Variants in CDKL3 observed in about 807,000 individuals in gnomAD.
The protein encoded by CDKL3 is cyclin dependent kinase like 3.
In CDKL3, 65 loss-of-function variants were observed where a neutral mutation model predicts 69.3. The ratio of observed to expected loss-of-function variants is 0.94; its 90% confidence interval spans 0.77 to 1.15. The LOEUF (loss-of-function observed/expected upper bound fraction) is 1.15, where lower values mean the gene tolerates loss of function less well. Ranked by LOEUF, CDKL3 falls within the 50% of genes most tolerant of loss-of-function variation. CDKL3 has a pLI of 0.00. For synonymous variants in CDKL3, 202 were observed against 221.6 expected (o/e 0.91, Z 0.79); for missense variants, 652 against 689.2 (o/e 0.95, Z 0.61).
Position 134,304,573 on chromosome 5 carries a change from C to T in CDKL3, c.1459-6G>A, listed in dbSNP as rs1356147422. ...ATACCCTTCTCCATTTGGCTCTAAA[C>T]AAACAAACAAGAGTTAGTTGAAGAA... On this transcript the variant is annotated splice_region_variant and splice_polypyrimidine_tract_variant and intron_variant, in intron 10 of 12. Transcript: ENST00000265334. 6.3e-7 allele frequency: 1 copy of T among 1,586,082 alleles called. No individual in the cohort carries two copies. The highest frequency in any genetic ancestry group is 8.6e-7 in the Non-Finnish European group (1 of 1,168,560).
intron 6 of CDKL3, among the ~76,000 whole-genome samples, chr5:134,316,704 T>G (rs1771191844): frequency 6.6e-6 from 1 of 152,152 alleles, no homozygotes; most frequent in South Asian, 2.1e-4. Flanking sequence ...ACTAATTGTA[T>G]AGTCATACAA....
intron 4 of CDKL3, among the ~76,000 whole-genome samples, chr5:134,343,181 G>A (rs1561603397): frequency 6.6e-6 from 1 of 151,528 alleles, no homozygotes; most frequent in African/African-American, 2.4e-5. Context: ...CTCCAGCCTG[G>A]GCAACAGAGT....
upstream of CDKL3, among the ~76,000 whole-genome samples, chr5:134,370,527 G>A (rs576228543): frequency 6.6e-6 from 1 of 152,250 alleles, no homozygotes; most frequent in South Asian, 2.1e-4. Context: ...TTGGAAGACT[G>A]CACCCCCACA....
intron 11 of CDKL3, among the ~76,000 whole-genome samples, chr5:134,303,885 C>T (rs1375710137): frequency 6.6e-6 from 1 of 151,634 alleles, no homozygotes; most frequent in Non-Finnish European, 1.5e-5. Context: ...TAATAATTTA[C>T]CTTTTAAAGC....
chr5:134,371,478 G>T, upstream of CDKL3: 1 of 1,254,388 alleles, frequency 8.0e-7, no homozygotes, highest in Non-Finnish European at 1.1e-6. Context: ...CAGTCTCGGC[G>T]GCGGCGGCGG....
chr5:134,314,390 G>GT (rs1403609114), intron 6 of CDKL3, among the ~76,000 whole-genome samples: 3 of 152,094 alleles, frequency 2.0e-5, no homozygotes, highest in African/African-American at 7.2e-5. Context: ...CAGATTGGCA[G>GT]TTTCTTTAAA....
downstream of CDKL3, among the ~76,000 whole-genome samples, chr5:134,285,190 C>A (rs1764808693): frequency 6.6e-6 from 1 of 152,208 alleles, no homozygotes; most frequent in African/African-American, 2.4e-5. Flanking sequence ...CTTCTCACAG[C>A]TCCACTAGGT....
At chr5:134,311,209 C>A (rs968402547) in intron 7 of CDKL3, among the ~76,000 whole-genome samples, 1 of 152,088 alleles carries the variant, frequency 6.6e-6, no homozygotes, top group African/African-American at 2.4e-5. Flanking sequence ...TAGGATACAA[C>A]AACAGGCACT....
chr5:134,367,474 A>T, upstream of CDKL3: 1 of 880,940 alleles, frequency 1.1e-6, no homozygotes, highest in Non-Finnish European at 1.4e-6. Flanking sequence ...TCCAGGTTTA[A>T]GTGATTTTCC....
chr5:134,288,854 G>A (rs1385177863), intron 8 of CDKL3, among the ~76,000 whole-genome samples: 1 of 152,076 alleles, frequency 6.6e-6, no homozygotes, highest in Non-Finnish European at 1.5e-5. Context: ...GGTGATAAAA[G>A]CATCTGCCTT....
intron 6 of CDKL3, chr5:134,319,087 G>A (rs1411949486): frequency 1.3e-5 from 3 of 227,556 alleles, no homozygotes; most frequent in South Asian, 1.3e-4. Flanking sequence ...TTGGGAGGCC[G>A]AGGTGGGCGG....
In CDKL3 at chr5:134,298,706, C is replaced by G. The variant is rs111498005; in HGVS notation, c.1724G>C (p.Gly575Ala). 1.1e-5 allele frequency: 17 copies of G among 1,612,232 alleles called. No individual in the cohort carries two copies. The highest frequency in any genetic ancestry group is 9.3e-5 in the African/African-American group (7 of 74,964). ...VDQNQEKQEG[G>A]DGHCEGKNLK... Reference sequence around the variant, plus strand: ...ATTCTTCCCCTCGCAATGGCCATCTCCACCCTAAAATTAGAAACCAAGCTA... The same window carrying G: ...ATTCTTCCCCTCGCAATGGCCATCTGCACCCTAAAATTAGAAACCAAGCTA... Residue 575 changes from glycine to alanine, a missense_variant, in exon 13 of 13, where the codon GGA (glycine) becomes GCA (alanine). By Grantham distance (60) the Gly-to-Ala change is moderately conservative. Transcript: ENST00000265334.
upstream of CDKL3, among the ~76,000 whole-genome samples, chr5:134,369,114 A>G (rs777310162): frequency 6.6e-6 from 1 of 152,228 alleles, no homozygotes; most frequent in African/African-American, 2.4e-5. Context: ...TACAGAACTG[A>G]TAACAGCATA....
intron 4 of CDKL3, among the ~76,000 whole-genome samples, chr5:134,326,934 A>G (rs1189231118): frequency 6.7e-6 from 1 of 150,228 alleles, no homozygotes; most frequent in Non-Finnish European, 1.5e-5. Context: ...TATCCTCTAA[A>G]AACTATGCAA....
At chr5:134,366,139 T>C (rs1757366443) in intron 2 of CDKL3, among the ~76,000 whole-genome samples, 1 of 152,234 alleles carries the variant, frequency 6.6e-6, no homozygotes, top group African/African-American at 2.4e-5. Context: ...TGAATATTTC[T>C]GAATAATTAT....
chr5:134,309,755 A>G (rs1396678211), intron 7 of CDKL3, among the ~76,000 whole-genome samples: 1 of 152,222 alleles, frequency 6.6e-6, no homozygotes, highest in Non-Finnish European at 1.5e-5. Flanking sequence ...CAATAATAGA[A>G]GCCTAATATC....
At chr5:134,300,411 A>G (rs1766030925) in intron 12 of CDKL3, among the ~76,000 whole-genome samples, 1 of 152,168 alleles carries the variant, frequency 6.6e-6, no homozygotes, top group African/African-American at 2.4e-5. Context: ...TATAATTCGA[A>G]AACCAAGTCA....
In CDKL3 at chr5:134,308,234, T is replaced by A; in HGVS notation, c.1268A>T (p.His423Leu). 6.2e-7 allele frequency: 1 copy of A among 1,613,948 alleles called. No homozygotes were observed. Among genetic ancestry groups the A allele is most frequent in the Non-Finnish European group, 8.5e-7 (1 of 1,179,858 alleles). The change falls in exon 9 of 13, where the codon CAT (histidine) becomes CTT (leucine). Residue 423 changes from histidine (H) to leucine (L), a missense_variant. Transcript: ENST00000265334. ...TGGCATTGTCACAGAACCTCCGCAA[T>A]GTGGATTTTCTTTCAAGCCATTACA... ...TNCNGLKENP[H>L]CGGSVTMPPI... is the part of the protein sequence containing the mutation.
chr5:134,360,286 C>T lies in CDKL3; in HGVS notation c.166-195G>A, dbSNP rs149023684. ...GTAGCACAATCTTGGCTCAGTGCAA[C>T]CTCCACCACCCTATTTCAATCAATC... On this transcript the variant is annotated intron_variant, in intron 2 of 12. Transcript: ENST00000265334. Among the ~76,000 whole-genome samples the T allele has an allele frequency of 8.0e-4, 122 of 152,240 alleles. 2 individuals are homozygous for T. The highest frequency in any genetic ancestry group is 2.9e-3 in the African/African-American group (119 of 41,538).
Sources: allele counts gnomAD v4.1 joint callset (sites outside exome capture counted in the v4.1 genomes callset), GRCh38; gene constraint gnomAD v4.1.1; transcripts MANE v1.5; gene names NCBI Gene and HGNC (gene_info 2026-07-23, HGNC 2026-07-21).